DYNC2LI1: variants seen among roughly 807,000 people sequenced by gnomAD.
DYNC2LI1 encodes the protein cytoplasmic dynein 2 light intermediate chain 1.
DYNC2LI1 carries 45 observed loss-of-function variants against 51.9 expected under a neutral mutation model. That is an observed-to-expected ratio of 0.87 (90% CI 0.68 to 1.11). DYNC2LI1 has a LOEUF of 1.11. Among genes scored for constraint, DYNC2LI1 ranks in the 50% most tolerant of loss-of-function variants. The probability of loss-of-function intolerance (pLI) is 0.00; values close to 1 mark genes in which losing one functional copy is unlikely to be tolerated. For synonymous variants in DYNC2LI1, 130 were observed against 137.8 expected (o/e 0.94, Z 0.40); for missense variants, 490 against 417.4 (o/e 1.17, Z -1.51).
At chr2:43,785,749 C>G (rs1161561533) in intron 3 of DYNC2LI1, among the ~76,000 whole-genome samples, 16 of 151,674 alleles carry the variant, frequency 1.1e-4, no homozygotes. Context: ...TATGATTCCA[C>G]TTATATGAGA....
At chr2:43,774,293 T>C (rs1672910830) in intron 1 of DYNC2LI1, 147 bp downstream of exon 1, 1 of 1,069,784 alleles carries the variant, frequency 9.3e-7, no homozygotes, top group East Asian at 2.7e-5. Context: ...GAATCAGCCT[T>C]GAGCATAAAG....
chr2:43,820,519 C>T, the DYNC2LI1 span, among the ~76,000 whole-genome samples: 1 of 152,164 alleles, frequency 6.6e-6, no homozygotes, highest in South Asian at 2.1e-4. Context: ...CTTCCCTGAA[C>T]CTCATCTCTG....
chr2:43,807,979 G>A (rs1254500301), intron 12 of DYNC2LI1, among the ~76,000 whole-genome samples: 1 of 151,972 alleles, frequency 6.6e-6, no homozygotes, highest in Admixed American at 6.6e-5. Context: ...GATAGCCCTA[G>A]TTTTCTCACA....
chr2:43,796,068 G>A (rs778465316), intron 7 of DYNC2LI1, 110 bp downstream of exon 7: 29 of 801,340 alleles, frequency 3.6e-5, no homozygotes, highest in Middle Eastern at 2.4e-4. Context: ...TGAAGGAATC[G>A]GTTAAGTCAT....
chr2:43,796,026 A>C (rs1674022074), intron 7 of DYNC2LI1, 68 bp downstream of exon 7: 6 of 1,058,504 alleles, frequency 5.7e-6, no homozygotes, highest in Non-Finnish European at 7.1e-6. Context: ...AGGGAGGTAC[A>C]AAAATAATAT....
At chr2:43,798,444 C>T (rs956484301) in intron 8 of DYNC2LI1, among the ~76,000 whole-genome samples, 18 of 144,682 alleles carry the variant, frequency 1.2e-4, no homozygotes, top group East Asian at 6.0e-4. Flanking sequence ...AATGGCTCAT[C>T]GAGGGTACAG....
chr2:43,775,645 A>G, intron 1 of DYNC2LI1: 1 of 352,370 alleles, frequency 2.8e-6, no homozygotes, highest in Non-Finnish European at 5.4e-6. Context: ...CCACGAGTGC[A>G]TGTCACCACA....
At chr2:43,824,183 T>A in the DYNC2LI1 span, 1 of 1,614,040 alleles carries the variant, frequency 6.2e-7, no homozygotes, top group Non-Finnish European at 8.5e-7. Flanking sequence ...GCTAAAGACC[T>A]CTAACAGGCA....
chr2:43,801,076 TTTATTTATTTTA>T (rs1209828177), intron 9 of DYNC2LI1, among the ~76,000 whole-genome samples, 159 bp downstream of exon 9: 24 of 148,560 alleles, frequency 1.6e-4, no homozygotes, highest in African/African-American at 4.9e-4. Context: ...TTATTATTAT[TTTATTTATTTTA>T]TTATTTATTT....
At chr2:43,796,952 A>G (rs763964382) in intron 8 of DYNC2LI1, among the ~76,000 whole-genome samples, 157 bp downstream of exon 8, 2 of 152,206 alleles carry the variant, frequency 1.3e-5, no homozygotes, top group Non-Finnish European at 2.9e-5. Context: ...AGAGTGTTTG[A>G]TAATGCATCT....
rs535890611 is a variant in DYNC2LI1, at chr2:43,794,462, T to A, written c.326T>A (p.Phe109Tyr). The change falls in exon 6 of 13, where the codon TTT becomes TAT. Residue 109 changes from phenylalanine to tyrosine, a missense_variant. Physicochemically the swap from Phe to Tyr is conservative, Grantham distance 22. Coordinates refer to ENST00000260605, the MANE Select transcript of DYNC2LI1 (RefSeq NM_016008.4). Reference sequence around the variant, plus strand: ...AAGTGTTTTTATTTCTTTAGGACGTTTTCTCTTGTTCTCGTTCTGGATCTT... The same window carrying A: ...AAGTGTTTTTATTTCTTTAGGACGTATTCTCTTGTTCTCGTTCTGGATCTT... ...IPITGDTLRTFSLVLVLDLSK... is the reference protein window; with the variant it reads ...IPITGDTLRTYSLVLVLDLSK... 3.7e-6 allele frequency: 6 copies of A among 1,605,350 alleles called. No homozygotes were observed. In the East Asian group the frequency reaches 1.1e-4, roughly 30 times the overall value.
intron 10 of DYNC2LI1, among the ~76,000 whole-genome samples, chr2:43,802,999 A>T (rs76827847): frequency 0.021 from 3,209 of 152,294 alleles, 115 homozygotes; most frequent in African/African-American, 0.072. Flanking sequence ...GATAGCTAAA[A>T]TAAAAAATAG....
the DYNC2LI1 span, among the ~76,000 whole-genome samples, chr2:43,821,487 C>G: frequency 6.6e-6 from 1 of 152,336 alleles, no homozygotes; most frequent in African/African-American, 2.4e-5. Flanking sequence ...GACACCCTCT[C>G]TGAGCACAGC....
At chr2:43,822,507 A>T in the DYNC2LI1 span, 2 of 909,526 alleles carry the variant, frequency 2.2e-6, no homozygotes, top group Non-Finnish European at 2.6e-6. Context: ...GGTCCTAGCT[A>T]CTTCAGAGTC....
At chr2:43,787,614 A>C (rs1673588400) in intron 4 of DYNC2LI1, among the ~76,000 whole-genome samples, 1 of 152,218 alleles carries the variant, frequency 6.6e-6, no homozygotes, top group African/African-American at 2.4e-5. Flanking sequence ...CTAAATTATT[A>C]GCATTTAAAA....
downstream of DYNC2LI1, chr2:43,810,143 CT>C (rs1666432198): frequency 2.8e-6 from 1 of 352,158 alleles, no homozygotes; most frequent in Admixed American, 6.4e-5. Flanking sequence ...CACATTCTTT[CT>C]AAAAGGCATT....
the DYNC2LI1 span, chr2:43,820,242 C>T: frequency 5.1e-6 from 5 of 975,970 alleles, no homozygotes; most frequent in Admixed American, 2.2e-5. Flanking sequence ...TTTGAAAGGC[C>T]GTTTTGGAAA....
At chr2:43,815,828 G>A in the DYNC2LI1 span, among the ~76,000 whole-genome samples, 3 of 148,518 alleles carry the variant, frequency 2.0e-5, no homozygotes, top group Non-Finnish European at 3.0e-5. Context: ...GACAGGTCAC[G>A]TTGAAATCAG....
the DYNC2LI1 span, chr2:43,822,635 A>C: frequency 3.2e-5 from 31 of 983,970 alleles, no homozygotes; most frequent in Non-Finnish European, 3.7e-5. Context: ...ATTTACAATA[A>C]AATTAATGTC....
Sources: gnomAD v4.1 joint callset for allele counts (sites outside exome capture counted in the v4.1 genomes callset) on GRCh38, gnomAD v4.1.1 for gene constraint, MANE v1.5 for transcripts, NCBI Gene and HGNC (gene_info 2026-07-23, HGNC 2026-07-21) for gene names.